Variants in INSR observed in about 807,000 individuals in gnomAD.
INSR encodes the protein IR.
Under a neutral mutation model 142.6 loss-of-function variants are expected in INSR, and 67 were observed. The ratio of observed to expected loss-of-function variants is 0.47; its 90% CI spans 0.39 to 0.58. The LOEUF is 0.58. Ranked by LOEUF, INSR falls within the 20% of genes least tolerant of loss-of-function variation. The pLI is 0.00. For missense variants in INSR, 1,248 were observed against 1,833.2 expected (o/e 0.68, Z 5.83); for synonymous variants, 756 against 743.1 (o/e 1.02, Z -0.28).
chr19:7,266,574 G>A (rs755834806), intron 2 of INSR, among the ~76,000 whole-genome samples: 33 of 151,958 alleles, frequency 2.2e-4, no homozygotes, highest in Non-Finnish European at 5.9e-5. Context: ...TAGTAGAGAT[G>A]GGGTTTCACC....
rs1451852591 is a variant in INSR, at chr19:7,192,297, GAAAAGAAAAGAAAAA to G, written c.653-7675_653-7661del. Among the ~76,000 whole-genome samples the G allele has an allele frequency of 1.1e-5, 1 of 88,720 alleles. No individual in the cohort carries two copies. The highest frequency in any genetic ancestry group is 2.4e-5 in the Non-Finnish European group (1 of 41,496). The allele number at this position is 88,720 out of a possible 152,430, so 58.2% of individuals were successfully genotyped here. A position where few individuals can be genotyped will look rare whatever the true frequency, so the allele number is the denominator to read the frequency against. On this transcript the variant is annotated intron_variant, in intron 2 of 21. Transcript: ENST00000302850. The surrounding 1 kb of genome is among the most constrained non-coding windows in gnomAD (Gnocchi z 4.2). ...GAAAAGAAAAGAAAAGAAAAGAAAA[GAAAAGAAAAGAAAAA>G]AATCACAGGCAGCCCAGGCTGGGGA...
intron 2 of INSR, among the ~76,000 whole-genome samples, chr19:7,201,107 T>C (rs11085218): frequency 0.61 from 92,695 of 151,960 alleles, 28,493 homozygotes; most frequent in Admixed American, 0.65. Flanking sequence ...TTCAACCTAT[T>C]GATGTTTCCT....
chr19:7,254,749 T>G (rs1976837153), intron 2 of INSR, among the ~76,000 whole-genome samples: 1 of 152,022 alleles, frequency 6.6e-6, no homozygotes, highest in Non-Finnish European at 1.5e-5. Flanking sequence ...CTTCCTTGGG[T>G]CCTCCCCGGG....
intron 2 of INSR, among the ~76,000 whole-genome samples, chr19:7,208,063 C>G (rs1036048019): frequency 2.6e-5 from 4 of 152,090 alleles, no homozygotes; most frequent in South Asian, 4.2e-4. Context: ...TTGTACCCCC[C>G]AGAAAACCAC....
intron 2 of INSR, among the ~76,000 whole-genome samples, chr19:7,219,535 AG>A (rs1244903571): frequency 3.1e-4 from 26 of 84,064 alleles, no homozygotes; most frequent in African/African-American, 1.3e-3. Flanking sequence ...GAAGGAAGGA[AG>A]GGAGGGAGGG....
chr19:7,153,103 CACAA>C (rs1194394749), intron 9 of INSR, among the ~76,000 whole-genome samples, 176 bp from the exon 10 acceptor site: 4 of 145,040 alleles, frequency 2.8e-5, no homozygotes, highest in Middle Eastern at 3.4e-3. Flanking sequence ...ATACACACAC[CACAA>C]ACACACAACC....
At chr19:7,140,545 T>G (rs1973043609) in intron 13 of INSR, among the ~76,000 whole-genome samples, 1 of 152,220 alleles carries the variant, frequency 6.6e-6, no homozygotes, top group Non-Finnish European at 1.5e-5. Context: ...ATCATGATTC[T>G]ATTCTTCCAG....
At chr19:7,129,808 G>A (rs537817788) in intron 14 of INSR, among the ~76,000 whole-genome samples, 20 of 152,154 alleles carry the variant, frequency 1.3e-4, no homozygotes, top group Non-Finnish European at 2.5e-4. Flanking sequence ...CACAATCACA[G>A]TTCACCGCAA....
chr19:7,123,168 ATTT>A, intron 17 of INSR, 179 bp from the exon 18 acceptor site: 1 of 483,594 alleles, frequency 2.1e-6, no homozygotes, highest in Non-Finnish European at 3.7e-6. Context: ...AGGCCTTTGT[ATTT>A]TTTTTTTTTT....
chr19:7,257,153 AG>A (rs1976920428), intron 2 of INSR, among the ~76,000 whole-genome samples: 1 of 151,986 alleles, frequency 6.6e-6, no homozygotes, highest in South Asian at 2.1e-4. Flanking sequence ...ATGTTGGCCC[AG>A]GGTGGTCTCG....
intron 21 of INSR, among the ~76,000 whole-genome samples, chr19:7,117,632 C>T (rs1025389068): frequency 3.3e-5 from 5 of 152,094 alleles, no homozygotes; most frequent in Admixed American, 6.5e-5. Context: ...TTGGACACAG[C>T]GTCTCATTCT....
rs74504109 is a variant in INSR, at chr19:7,166,936, A to G, written c.1611-532T>C. The stretch of plus-strand genomic sequence containing the variant: ...TCTGTTTCAAAAACATAAATAAATA[A>G]ATAAATAAATAAATGCTTGGGACCA... On this transcript the variant is annotated intron_variant, in intron 7 of 21. Coordinates refer to ENST00000302850, the MANE Select transcript of INSR (RefSeq NM_000208.4). The surrounding 1 kb of genome is among the most constrained non-coding windows in gnomAD (Gnocchi z 4.1). Among the ~76,000 whole-genome samples the G allele has an allele frequency of 6.6e-6, 1 of 151,636 alleles. No homozygotes were observed. Among genetic ancestry groups the G allele is most frequent in the African/African-American group, 2.4e-5 (1 of 41,276 alleles).
chr19:7,197,516 G>GGGT (rs1974790392), intron 2 of INSR, among the ~76,000 whole-genome samples: 6 of 70,856 alleles, frequency 8.5e-5, no homozygotes, highest in Non-Finnish European at 1.4e-4. Flanking sequence ...TGGGAGTGGG[G>GGGT]GTGTGTGTGT....
rs747502451 is a variant in INSR at position 7,142,980 on chromosome 19, T to C, written c.2378A>G (p.Glu793Gly). ...TSSTSVPTSP[E>G]EHRPFEKVVN... ...CACCTTCTCAAAAGGCCTGTGCTCCTCCGGACTCGTGGGCACGCTGGTCGA... is the reference window on the plus strand; with the variant it reads ...CACCTTCTCAAAAGGCCTGTGCTCCCCCGGACTCGTGGGCACGCTGGTCGA... The change falls in exon 12 of 22, where the codon GAG becomes GGG. Residue 793 changes from glutamate to glycine, a missense_variant. By Grantham distance (98) the Glu-to-Gly change is moderately conservative. This residue lies in a region of INSR where 1,069 missense variants were observed against 1,654.0 expected (regional missense o/e 0.65). Transcript: ENST00000302850. 3.7e-6 allele frequency: 6 copies of C among 1,614,154 alleles called. No homozygotes were observed. Among genetic ancestry groups the C allele is most frequent in the Non-Finnish European group, 8.5e-7 (1 of 1,180,022 alleles).
chr19:7,209,418 A>C (rs2145068472), intron 2 of INSR, among the ~76,000 whole-genome samples: 1 of 152,122 alleles, frequency 6.6e-6, no homozygotes, highest in Admixed American at 6.6e-5. Flanking sequence ...CAACTCCATA[A>C]AAGTCATGTT....
At position 7,113,992 on chromosome 19, in the gene INSR, A is replaced by G. The variant is rs1212541874; in HGVS notation, c.*3064T>C. 2 of 151,024 alleles carry G rather than the reference A, an allele frequency of 1.3e-5. No homozygotes were observed. The highest frequency in any genetic ancestry group is 6.6e-5 in the Admixed American group (1 of 15,132). 9.4% of individuals were successfully genotyped at this position (151,024 alleles called of 1,614,324 possible). On this transcript the variant is annotated 3_prime_UTR_variant, in exon 22 of 22. Transcript: ENST00000302850. Reference sequence around the variant, plus strand: ...GGTTATCAAAGCTGCACAAGGTCCAATAATATCAGCTTGAGGTCAGTCAAA... The same window carrying G: ...GGTTATCAAAGCTGCACAAGGTCCAGTAATATCAGCTTGAGGTCAGTCAAA...
intron 2 of INSR, among the ~76,000 whole-genome samples, chr19:7,199,376 G>A (rs1167704464): frequency 1.3e-5 from 2 of 151,756 alleles, no homozygotes; most frequent in Non-Finnish European, 2.9e-5. Flanking sequence ...GTTTGGGGGA[G>A]TGGGAGTTTG....
rs1568476310 is a variant in INSR at position 7,192,206 on chromosome 19, GAA to G, written c.653-7571_653-7570del. On this transcript the variant is annotated intron_variant, in intron 2 of 21. Transcript: ENST00000302850. The surrounding 1 kb of genome is among the most constrained non-coding windows in gnomAD (Gnocchi z 4.2). ...AAAAGAAAAAAGAAAGAAAAAGAAA[GAA>G]AGGAGAAAGAAAAGAAAGAGAAAGA... is the stretch of plus-strand genomic sequence containing the variant. Among the ~76,000 whole-genome samples the G allele has an allele frequency of 7.4e-6, 1 of 135,678 alleles. No homozygotes were observed. The highest frequency in any genetic ancestry group is 2.2e-4 in the East Asian group (1 of 4,514). 89.0% of individuals were successfully genotyped at this position (135,678 alleles called of 152,430 possible). A position where few individuals can be genotyped will look rare whatever the true frequency, so the allele number is the denominator to read the frequency against.
In INSR at chr19:7,168,689, C is replaced by T. The variant is rs951670614; in HGVS notation, c.1484-595G>A. 1.3e-5 allele frequency among the ~76,000 whole-genome samples: 2 copies of T among 152,030 alleles called. No homozygotes were observed. The highest frequency in any genetic ancestry group is 2.9e-5 in the Non-Finnish European group (2 of 68,022). On this transcript the variant is annotated intron_variant, in intron 6 of 21. Coordinates refer to ENST00000302850, the MANE Select transcript of INSR (RefSeq NM_000208.4). The surrounding 1 kb of genome is among the most constrained non-coding windows in gnomAD (Gnocchi z 4.3). ...CAAGGCTGGAGTGCAGTCCACCTAC[C>T]GGGTTTAAGCAATTCTCATGCCTCA...
Sources: gnomAD v4.1 joint callset for allele counts (sites outside exome capture counted in the v4.1 genomes callset) on GRCh38, gnomAD v4.1.1 for gene constraint, gnomAD v4.1.1 regional missense constraint, Gnocchi (gnomAD v3.1) non-coding constraint, MANE v1.5 for transcripts, NCBI Gene and HGNC (gene_info 2026-07-23, HGNC 2026-07-21) for gene names.